The following SAMSN1 variants were observed in gnomAD, a reference collection of about 807,000 sequenced individuals.
SAMSN1 encodes the protein SAM domain-containing protein SAMSN-1.
A neutral mutation model predicts 42.0 loss-of-function variants in SAMSN1; 31 were observed. The ratio of observed to expected loss-of-function variants is 0.74; its 90% confidence interval spans 0.55 to 1.00. The LOEUF is 1.00. Ranked by LOEUF, SAMSN1 falls within the 50% of genes least tolerant of loss-of-function variation. The pLI is 0.00. For synonymous variants in SAMSN1, 178 were observed against 151.9 expected (o/e 1.17, Z -1.26); for missense variants, 464 against 439.4 (o/e 1.06, Z -0.50).
At chr21:14,597,723 G>A (rs554272493) in intron 6 of SAMSN1, among the ~76,000 whole-genome samples, 17 of 152,248 alleles carry the variant, frequency 1.1e-4, no homozygotes, top group African/African-American at 3.1e-4. Flanking sequence ...TTTCCAACCC[G>A]GGTGCCGCTT....
intron 2 of SAMSN1, among the ~76,000 whole-genome samples, chr21:14,564,765 T>G (rs2123205936): frequency 6.6e-6 from 1 of 152,314 alleles, no homozygotes; most frequent in Non-Finnish European, 1.5e-5. Flanking sequence ...CCTTTCCAAG[T>G]GCTCACTATG....
At chr21:14,509,730 A>C (rs760016992) in intron 5 of SAMSN1, among the ~76,000 whole-genome samples, 7 of 152,120 alleles carry the variant, frequency 4.6e-5, no homozygotes, top group Non-Finnish European at 8.8e-5. Flanking sequence ...AGGAAAATGG[A>C]GAGAATTCCT....
At chr21:14,629,589 T>C (rs2123359095) in intron 2 of SAMSN1, among the ~76,000 whole-genome samples, 1 of 152,340 alleles carries the variant, frequency 6.6e-6, no homozygotes, top group East Asian at 1.9e-4. Context: ...TAGTGAATTC[T>C]GCTTTCTCTA....
intron 7 of SAMSN1, among the ~76,000 whole-genome samples, chr21:14,494,324 T>A (rs1986818497): frequency 6.6e-6 from 1 of 152,150 alleles, no homozygotes; most frequent in Admixed American, 6.5e-5. Context: ...TGCCCATCAA[T>A]GACAGACTGG....
chr21:14,509,913 G>A (rs1034437131), intron 5 of SAMSN1, among the ~76,000 whole-genome samples: 2 of 152,188 alleles, frequency 1.3e-5, no homozygotes, highest in African/African-American at 2.4e-5. Flanking sequence ...GCCGAGGCGG[G>A]CGGATCACGA....
chr21:14,628,371 A>T (rs1320559789), intron 2 of SAMSN1, among the ~76,000 whole-genome samples: 2 of 152,124 alleles, frequency 1.3e-5, no homozygotes, highest in Non-Finnish European at 2.9e-5. Flanking sequence ...ATATTGAAAT[A>T]CCACTGTATA....
At chr21:14,535,180 G>A (rs1979527636) in intron 1 of SAMSN1, among the ~76,000 whole-genome samples, 6 of 152,164 alleles carry the variant, frequency 3.9e-5, no homozygotes, top group Admixed American at 2.6e-4. Context: ...TTTAATATTA[G>A]GTTGGTGCAA....
At chr21:14,521,696 C>T (rs575812780) in intron 1 of SAMSN1, among the ~76,000 whole-genome samples, 8 of 152,064 alleles carry the variant, frequency 5.3e-5, no homozygotes, top group African/African-American at 1.4e-4. Flanking sequence ...TTTGTTCACA[C>T]GCTGGGGCCT....
chr21:14,588,622 T>C (rs1047262373), intron 7 of SAMSN1, among the ~76,000 whole-genome samples: 2 of 152,232 alleles, frequency 1.3e-5, no homozygotes, highest in Non-Finnish European at 2.9e-5. Flanking sequence ...GCTCCAAATA[T>C]GATGCTCATC....
chr21:14,599,896 A>G (rs545639347), intron 6 of SAMSN1, among the ~76,000 whole-genome samples: 2 of 152,050 alleles, frequency 1.3e-5, no homozygotes, highest in Admixed American at 1.3e-4. Flanking sequence ...TTTGTGTTGT[A>G]TTATTGCAAC....
At chr21:14,626,093 T>C (rs1983161991) in intron 2 of SAMSN1, among the ~76,000 whole-genome samples, 1 of 152,324 alleles carries the variant, frequency 6.6e-6, no homozygotes, top group African/African-American at 2.4e-5. Flanking sequence ...AAGTTGAAAC[T>C]GGATCCCTTC....
chr21:14,560,231 G>T (rs1441593344), intron 2 of SAMSN1, among the ~76,000 whole-genome samples: 1 of 152,166 alleles, frequency 6.6e-6, no homozygotes, highest in African/African-American at 2.4e-5. Context: ...AATTTGTCAG[G>T]TGGACAAGAA....
At chr21:14,589,187 C>T (rs983092761) in intron 7 of SAMSN1, among the ~76,000 whole-genome samples, 4 of 151,914 alleles carry the variant, frequency 2.6e-5, no homozygotes, top group Admixed American at 6.6e-5. Context: ...ATTAGTCCTA[C>T]GATCATATTT....
chr21:14,489,312 C>T (rs2822698), intron 7 of SAMSN1, among the ~76,000 whole-genome samples: 18,157 of 152,094 alleles, frequency 0.12, 1,329 homozygotes, highest in East Asian at 0.34. Flanking sequence ...TCTTTTTATA[C>T]TAAAACGTTT....
chr21:14,648,476 A>G (rs1983763647), intron 1 of SAMSN1, among the ~76,000 whole-genome samples: 2 of 152,372 alleles, frequency 1.3e-5, no homozygotes, highest in East Asian at 3.9e-4. Flanking sequence ...ATCAGAGTAA[A>G]CAGGCAACCT....
chr21:14,569,677 T>C (rs1051266523), intron 2 of SAMSN1, among the ~76,000 whole-genome samples: 1 of 152,144 alleles, frequency 6.6e-6, no homozygotes, highest in Non-Finnish European at 1.5e-5. Context: ...ACACATAAAA[T>C]GGGAACTGGC....
chr21:14,569,052 G>A (rs980689723), intron 2 of SAMSN1, among the ~76,000 whole-genome samples: 1 of 152,060 alleles, frequency 6.6e-6, no homozygotes, highest in African/African-American at 2.4e-5. Flanking sequence ...CAGCAGTTTG[G>A]GAGGCTGGAA....
intron 2 of SAMSN1, among the ~76,000 whole-genome samples, chr21:14,623,578 A>G (rs1257492855): frequency 6.6e-6 from 1 of 152,240 alleles, no homozygotes; most frequent in Non-Finnish European, 1.5e-5. Context: ...AGAACTAACT[A>G]TCCTAAATAT....
At chr21:14,573,651 C>G (rs76054066) in intron 2 of SAMSN1, among the ~76,000 whole-genome samples, 2,749 of 152,212 alleles carry the variant, frequency 0.018, 92 homozygotes, top group African/African-American at 0.063. Context: ...AGAAAGAAAC[C>G]TTTATATACA....
Sources: gnomAD v4.1 joint callset for allele counts (sites outside exome capture counted in the v4.1 genomes callset) on GRCh38, gnomAD v4.1.1 for gene constraint, MANE v1.5 for transcripts, NCBI Gene and HGNC (gene_info 2026-07-23, HGNC 2026-07-21) for gene names.